The following SDK1 variants were observed in gnomAD, a reference collection of about 807,000 sequenced individuals.
SDK1 encodes sidekick cell adhesion molecule 1.
SDK1 carries 157 observed loss-of-function variants against 245.5 expected under a neutral mutation model. That is an observed-to-expected ratio of 0.64 (90% confidence interval 0.56 to 0.73). SDK1 has a LOEUF of 0.73. SDK1 is among the 30% of genes least tolerant of loss of function. The probability of loss-of-function intolerance (pLI) is 0.00; values close to 1 mark genes in which losing one functional copy is unlikely to be tolerated. For synonymous variants in SDK1, 1,647 were observed against 1,278.5 expected (o/e 1.29, Z -6.15); for missense variants, 3,583 against 3,002.3 (o/e 1.19, Z -4.52).
chr7:4,029,656 C>T (rs1787642074), intron 17 of SDK1, among the ~76,000 whole-genome samples: 1 of 151,962 alleles, frequency 6.6e-6, no homozygotes, highest in African/African-American at 2.4e-5. Context: ...TGAGCTATGC[C>T]CAAAGAGTGT....
intron 1 of SDK1, among the ~76,000 whole-genome samples, chr7:3,463,729 T>C (rs1311281054): frequency 1.3e-5 from 2 of 152,218 alleles, no homozygotes; most frequent in African/African-American, 4.8e-5. Context: ...TCCCCCTCTC[T>C]GCTGGTCTCA....
chr7:3,573,488 G>A (rs1780181629), intron 1 of SDK1, among the ~76,000 whole-genome samples: 1 of 152,064 alleles, frequency 6.6e-6, no homozygotes, highest in Admixed American at 6.5e-5. Context: ...ATCACAGGCT[G>A]AGGACAACAG....
chr7:3,603,655 A>G (rs916343807), intron 1 of SDK1, among the ~76,000 whole-genome samples: 1 of 152,148 alleles, frequency 6.6e-6, no homozygotes, highest in East Asian at 1.9e-4. Flanking sequence ...TCCTTTTTTC[A>G]TAATTGAATA....
intron 5 of SDK1, among the ~76,000 whole-genome samples, chr7:3,870,292 T>G (rs939790423): frequency 4.6e-5 from 7 of 152,210 alleles, no homozygotes; most frequent in Non-Finnish European, 8.8e-5. Flanking sequence ...TACTTTTCGT[T>G]ATTTTTACAG....
intron 2 of SDK1, 139 bp from the exon 3 acceptor site, chr7:3,638,865 A>G (rs1782557436): frequency 9.4e-6 from 4 of 427,310 alleles, no homozygotes; most frequent in Non-Finnish European, 1.3e-5. Flanking sequence ...CACAGATACT[A>G]GGTTACCAAA....
At chr7:3,848,621 A>G (rs1342650532) in intron 5 of SDK1, among the ~76,000 whole-genome samples, 1 of 152,100 alleles carries the variant, frequency 6.6e-6, no homozygotes, top group Non-Finnish European at 1.5e-5. Context: ...AACAGGGAAC[A>G]TAGAAGACCA....
chr7:4,212,928 G>A (rs1002173595), intron 38 of SDK1, among the ~76,000 whole-genome samples: 14 of 152,172 alleles, frequency 9.2e-5, no homozygotes, highest in African/African-American at 1.9e-4. Context: ...CAGAATCTCC[G>A]TGGAAACTCC....
At chr7:3,838,428 G>A (rs754659100) in intron 5 of SDK1, among the ~76,000 whole-genome samples, 5 of 152,228 alleles carry the variant, frequency 3.3e-5, no homozygotes, top group African/African-American at 4.8e-5. Context: ...AGACCTAAAG[G>A]TTGAGTAAGA....
rs2128177358 is a variant in SDK1 at position 4,077,022 on chromosome 7, A to G, written c.3035A>G (p.Tyr1012Cys). Residue 1012 changes from tyrosine to cysteine, a missense_variant, in exon 21 of 45, where the codon TAC (tyrosine) becomes TGC (cysteine). Coordinates refer to ENST00000404826, the MANE Select transcript of SDK1 (RefSeq NM_152744.4). ...GGCTATCAGATCTCTTGGGAAGTGT[A>G]CGGCAGGAACGACTCTCGTCTCACG... ...ITGYQISWEVYGRNDSRLTHT... is the reference protein window; with the variant it reads ...ITGYQISWEVCGRNDSRLTHT... The G allele has an allele frequency of 6.2e-7, 1 of 1,614,084 alleles. No individual in the cohort carries two copies. The highest frequency in any genetic ancestry group is 2.2e-5 in the East Asian group (1 of 44,862).
rs536279774 is a variant in SDK1 at position 3,826,284 on chromosome 7, G to A, written c.847+4701G>A. ...CAGACAGAAGAGAGGACGGGAATCA[G>A]CAGTGCTAATCATGAAGGTTCCGTT... On this transcript the variant is annotated intron_variant, in intron 5 of 44. Transcript: ENST00000404826. 1.2e-3 allele frequency among the ~76,000 whole-genome samples: 188 copies of A among 152,332 alleles called. 2 individuals carry two copies. The highest frequency in any genetic ancestry group is 4.3e-3 in the African/African-American group (179 of 41,566).
At chr7:4,234,558 G>C (rs1352145996) in intron 41 of SDK1, among the ~76,000 whole-genome samples, 1 of 152,164 alleles carries the variant, frequency 6.6e-6, no homozygotes, top group Non-Finnish European at 1.5e-5. Context: ...AAGAGCCGTG[G>C]GTGGGGGAGC....
intron 1 of SDK1, among the ~76,000 whole-genome samples, chr7:3,359,488 G>C (rs1006530948): frequency 6.6e-6 from 1 of 152,190 alleles, no homozygotes; most frequent in African/African-American, 2.4e-5. Context: ...ACAGAGGCTA[G>C]TAGCCTTTAG....
intron 5 of SDK1, among the ~76,000 whole-genome samples, chr7:3,880,500 C>G (rs1223031198): frequency 6.7e-6 from 1 of 148,688 alleles, no homozygotes; most frequent in African/African-American, 2.5e-5. Flanking sequence ...AAAAGTGCAG[C>G]GATGCGCAGA....
At chr7:3,835,283 A>T (rs1445416411) in intron 5 of SDK1, among the ~76,000 whole-genome samples, 1 of 152,156 alleles carries the variant, frequency 6.6e-6, no homozygotes, top group Non-Finnish European at 1.5e-5. Context: ...TTCCTCAATT[A>T]TCGACTCATG....
intron 7 of SDK1, among the ~76,000 whole-genome samples, chr7:3,953,968 G>A (rs796689586): frequency 1.5e-4 from 23 of 152,276 alleles, no homozygotes; most frequent in African/African-American, 4.1e-4. Flanking sequence ...CCCTGTGGCC[G>A]AGCATTATTG....
At chr7:3,744,228 A>C (rs1218327286) in intron 4 of SDK1, among the ~76,000 whole-genome samples, 3 of 151,998 alleles carry the variant, frequency 2.0e-5, no homozygotes, top group Non-Finnish European at 4.4e-5. Context: ...TTCATCCAAA[A>C]TAGCCCCCCT....
intron 1 of SDK1, among the ~76,000 whole-genome samples, chr7:3,503,730 C>T (rs938781680): frequency 6.6e-6 from 1 of 151,764 alleles, no homozygotes; most frequent in Non-Finnish European, 1.5e-5. Flanking sequence ...GAATGATATA[C>T]TTAAGAGTAA....
intron 4 of SDK1, among the ~76,000 whole-genome samples, chr7:3,695,876 T>C (rs987499419): frequency 2.0e-5 from 3 of 152,248 alleles, no homozygotes; most frequent in African/African-American, 7.2e-5. Context: ...TATTTCATTC[T>C]GCAGTGATGA....
chr7:3,664,215 G>A (rs901261895), intron 4 of SDK1, among the ~76,000 whole-genome samples: 7 of 152,094 alleles, frequency 4.6e-5, no homozygotes, highest in African/African-American at 1.4e-4. Flanking sequence ...AAAGCATGAG[G>A]CAAGTCAGAG....
Sources: gnomAD v4.1 joint callset for allele counts (sites outside exome capture counted in the v4.1 genomes callset) on GRCh38, gnomAD v4.1.1 for gene constraint, MANE v1.5 for transcripts, NCBI Gene and HGNC (gene_info 2026-07-23, HGNC 2026-07-21) for gene names.